The following SOX6 variants were observed in gnomAD, a reference collection of about 807,000 sequenced individuals.
SOX6 encodes SRY-box transcription factor 6.
A neutral mutation model predicts 97.8 loss-of-function variants in SOX6; 11 were observed. The observed-to-expected ratio is 0.11, with a 90% CI of 0.07 to 0.19. The LOEUF (loss-of-function observed/expected upper bound fraction) is 0.19. SOX6 is among the 10% of genes least tolerant of loss of function. The pLI is 1.00. For synonymous variants in SOX6, 360 were observed against 371.4 expected, an observed-to-expected ratio of 0.97 and a Z score of 0.35; for missense variants, 810 against 1,039.5, an observed-to-expected ratio of 0.78 and a Z score of 3.04.
At chr11:16,555,351 T>C (rs1269780724) in intron 4 of SOX6, among the ~76,000 whole-genome samples, 1 of 151,794 alleles carries the variant, frequency 6.6e-6, no homozygotes, top group African/African-American at 2.4e-5. Flanking sequence ...ATTTCTTTCT[T>C]AAAATTATTT....
chr11:16,685,800 C>G (rs1847964885), intron 3 of SOX6, among the ~76,000 whole-genome samples: 1 of 152,288 alleles, frequency 6.6e-6, no homozygotes, highest in Admixed American at 6.5e-5. Flanking sequence ...CACATTTCTC[C>G]TCTGTACTGT....
intron 4 of SOX6, among the ~76,000 whole-genome samples, chr11:16,491,983 T>C (rs890830359): frequency 3.3e-5 from 5 of 152,134 alleles, no homozygotes; most frequent in Admixed American, 2.0e-4. Context: ...GATTTGTATG[T>C]TTCTGGAGAA....
intron 2 of SOX6, among the ~76,000 whole-genome samples, chr11:16,325,181 C>G (rs1565092557): frequency 6.6e-6 from 1 of 151,912 alleles, no homozygotes; most frequent in Non-Finnish European, 1.5e-5. Context: ...ATTTCATCTT[C>G]ACATTTAAAT....
intron 1 of SOX6, among the ~76,000 whole-genome samples, chr11:16,737,677 A>C (rs911078952): frequency 5.9e-5 from 9 of 152,138 alleles, no homozygotes; most frequent in Admixed American, 4.6e-4. Context: ...AATAGCTTTA[A>C]ATGCAGGGCT....
At chr11:16,085,496 G>C (rs1053578036) in intron 9 of SOX6, among the ~76,000 whole-genome samples, 1 of 152,078 alleles carries the variant, frequency 6.6e-6, no homozygotes, top group Non-Finnish European at 1.5e-5. Context: ...AGCTTAGATG[G>C]AGGGAATTTC....
chr11:16,184,255 G>A (rs1851414714), intron 5 of SOX6, among the ~76,000 whole-genome samples: 1 of 152,072 alleles, frequency 6.6e-6, no homozygotes, highest in Non-Finnish European at 1.5e-5. Context: ...TTGTAGAATA[G>A]AGATAGAAAA....
intron 4 of SOX6, among the ~76,000 whole-genome samples, chr11:16,581,084 T>C (rs1589993885): frequency 6.6e-6 from 1 of 151,936 alleles, no homozygotes; most frequent in Admixed American, 6.6e-5. Context: ...GACCCAACAA[T>C]CCCATTACTG....
chr11:16,554,903 G>A (rs997552427), intron 4 of SOX6, among the ~76,000 whole-genome samples: 16 of 151,928 alleles, frequency 1.1e-4, no homozygotes, highest in African/African-American at 3.9e-4. Flanking sequence ...TGTTTTGCAT[G>A]TAGTGATATA....
chr11:16,175,973 C>T (rs1044435404), intron 6 of SOX6, among the ~76,000 whole-genome samples: 7 of 151,784 alleles, frequency 4.6e-5, no homozygotes, highest in African/African-American at 1.7e-4. Flanking sequence ...AGTAAAACAG[C>T]TATGACCAAA....
At chr11:16,585,944 A>G (rs1848087760) in intron 4 of SOX6, among the ~76,000 whole-genome samples, 1 of 152,070 alleles carries the variant, frequency 6.6e-6, no homozygotes, top group South Asian at 2.1e-4. Context: ...CAGCCTCCCA[A>G]AGTGCTGGGA....
At chr11:16,701,982 G>T (rs1297453065) in intron 3 of SOX6, among the ~76,000 whole-genome samples, 1 of 152,132 alleles carries the variant, frequency 6.6e-6, no homozygotes, top group Non-Finnish European at 1.5e-5. Flanking sequence ...CATTTGGGAA[G>T]AAGAATCGGC....
intron 3 of SOX6, among the ~76,000 whole-genome samples, chr11:16,286,875 G>A (rs1170704416): frequency 2.6e-5 from 4 of 151,918 alleles, no homozygotes; most frequent in African/African-American, 4.8e-5. Context: ...TAGAACAGAT[G>A]AAATATTTAT....
chr11:16,638,279 C>T (rs1315615932), intron 3 of SOX6, among the ~76,000 whole-genome samples: 1 of 152,014 alleles, frequency 6.6e-6, no homozygotes, highest in African/African-American at 2.4e-5. Context: ...TGTATATGTG[C>T]CACATTTTCT....
At chr11:16,046,441 G>A (rs1855833027) in intron 12 of SOX6, 73 bp downstream of exon 12, 1 of 1,538,410 alleles carries the variant, frequency 6.5e-7, no homozygotes, top group African/African-American at 1.4e-5. Context: ...TGATACCTGG[G>A]AGCCTGGAAA....
At chr11:16,622,771 G>A (rs1848563759) in intron 3 of SOX6, among the ~76,000 whole-genome samples, 4 of 152,038 alleles carry the variant, frequency 2.6e-5, no homozygotes, top group African/African-American at 9.7e-5. Flanking sequence ...CTTTTCCCCT[G>A]GATAGATACC....
chr11:16,441,920 G>A (rs555141751), intron 1 of SOX6, among the ~76,000 whole-genome samples: 27 of 152,242 alleles, frequency 1.8e-4, no homozygotes, highest in Non-Finnish European at 3.2e-4. Flanking sequence ...AATGACTGTC[G>A]TGAAACTGAG....
intron 3 of SOX6, among the ~76,000 whole-genome samples, chr11:16,665,678 A>G (rs778501014): frequency 2.0e-5 from 3 of 152,170 alleles, no homozygotes; most frequent in Non-Finnish European, 4.4e-5. Context: ...GCAGAGGCCT[A>G]GAGCATTCAG....
intron 4 of SOX6, among the ~76,000 whole-genome samples, chr11:16,606,330 G>C (rs1327158954): frequency 6.6e-6 from 1 of 151,156 alleles, no homozygotes; most frequent in Non-Finnish European, 1.5e-5. Context: ...CTAAACCCAA[G>C]CCTGCGGCGG....
At chr11:16,146,081 A>G (rs1359506719) in intron 6 of SOX6, among the ~76,000 whole-genome samples, 1 of 152,172 alleles carries the variant, frequency 6.6e-6, no homozygotes, top group Non-Finnish European at 1.5e-5. Context: ...TGGAGGCATC[A>G]CGCTACCTGA....
Sources: gnomAD v4.1 joint callset for allele counts (sites outside exome capture counted in the v4.1 genomes callset) on GRCh38, gnomAD v4.1.1 for gene constraint, MANE v1.5 for transcripts, NCBI Gene and HGNC (gene_info 2026-07-23, HGNC 2026-07-21) for gene names.